CUX2: variants seen among roughly 807,000 people sequenced by gnomAD.
The protein encoded by CUX2 is homeobox protein cut-like 2.
Under a neutral mutation model 144.8 loss-of-function variants are expected in CUX2, and 40 were observed. That is an observed-to-expected ratio of 0.28 (90% CI 0.21 to 0.36). The LOEUF is 0.36. Among genes scored for constraint, CUX2 ranks in the 10% least tolerant of loss-of-function variants. The probability of loss-of-function intolerance (pLI) is 1.00; values close to 1 mark genes in which losing one functional copy is unlikely to be tolerated. For synonymous variants in CUX2, 827 were observed against 875.6 expected, an observed-to-expected ratio of 0.94 and a Z score of 0.98; for missense variants, 1,615 against 1,994.0, an observed-to-expected ratio of 0.81 and a Z score of 3.62.
chr12:111,125,207 T>C (rs1004047739), intron 1 of CUX2, among the ~76,000 whole-genome samples: 1 of 149,642 alleles, frequency 6.7e-6, no homozygotes, highest in Non-Finnish European at 1.5e-5. Context: ...TGAGACAGAG[T>C]GTCCCTCTGT....
chr12:111,347,467 G>T, intron 21 of CUX2, 57 bp from the exon 22 acceptor site: 1 of 1,496,908 alleles, frequency 6.7e-7, no homozygotes, highest in Non-Finnish European at 8.9e-7. Flanking sequence ...TGCAGATGGA[G>T]TCCAGGGTTT....
intron 1 of CUX2, among the ~76,000 whole-genome samples, chr12:111,153,999 G>T (rs1877223995): frequency 1.3e-5 from 2 of 152,076 alleles, no homozygotes; most frequent in African/African-American, 4.8e-5. Flanking sequence ...TTTTTACAAA[G>T]ACACCAACGA....
At chr12:111,041,849 G>A (rs577414285) in intron 1 of CUX2, among the ~76,000 whole-genome samples, 74 of 152,314 alleles carry the variant, frequency 4.9e-4, no homozygotes, top group African/African-American at 1.6e-3. Context: ...TCCAGAAGAG[G>A]CTGCATTTCC....
intron 1 of CUX2, among the ~76,000 whole-genome samples, chr12:111,104,278 A>G (rs1037101739): frequency 6.6e-6 from 1 of 152,110 alleles, no homozygotes; most frequent in Non-Finnish European, 1.5e-5. Context: ...CCCCTCACAT[A>G]GTATAAAAAA....
chr12:111,284,808 C>T (rs117309150), intron 4 of CUX2, among the ~76,000 whole-genome samples: 2,355 of 152,312 alleles, frequency 0.015, 25 homozygotes, highest in Non-Finnish European at 0.025. Context: ...GGCCTCTGGT[C>T]TCTTCGCCAA....
At chr12:111,158,967 G>A (rs1463468870) in intron 1 of CUX2, among the ~76,000 whole-genome samples, 3 of 152,128 alleles carry the variant, frequency 2.0e-5, no homozygotes, top group East Asian at 1.9e-4. Context: ...CAGGCTGGTC[G>A]TGAACACAGA....
At chr12:111,150,510 G>GT (rs1322084739) in intron 1 of CUX2, among the ~76,000 whole-genome samples, 1 of 152,160 alleles carries the variant, frequency 6.6e-6, no homozygotes, top group African/African-American at 2.4e-5. Context: ...TCTCACTTTG[G>GT]TTTTTCCCCC....
chr12:111,049,952 C>T (rs944980363), intron 1 of CUX2, among the ~76,000 whole-genome samples: 1 of 152,174 alleles, frequency 6.6e-6, no homozygotes, highest in Non-Finnish European at 1.5e-5. Flanking sequence ...GTGCTTGGAG[C>T]CTGTCAGAAA....
Position 111,320,336 on chromosome 12 carries a change from A to G in CUX2, c.2327A>G (p.Lys776Arg). Reference protein sequence around the residue: ...AFVQSIIRKVKSEIGDAGYFD... With the variant: ...AFVQSIIRKVRSEIGDAGYFD... ...GTGCAGAGCATCATCCGCAAGGTCA[A>G]GTCCGAGATCGGCGACGCCGGCTAC... The change falls in exon 17 of 22, where the codon AAG becomes AGG. Residue 776 changes from lysine to arginine, a missense_variant. By Grantham distance (26) the Lys-to-Arg change is conservative (BLOSUM62 2). Transcript: ENST00000261726. The surrounding 1 kb of genome is among the most constrained non-coding windows in gnomAD (Gnocchi z 8.1). 6.3e-7 allele frequency: 1 copy of G among 1,598,138 alleles called. No individual in the cohort carries two copies. The highest frequency in any genetic ancestry group is 8.5e-7 in the Non-Finnish European group (1 of 1,179,150).
At chr12:111,163,958 G>A (rs1350220024) in intron 1 of CUX2, among the ~76,000 whole-genome samples, 1 of 152,122 alleles carries the variant, frequency 6.6e-6, no homozygotes, top group African/African-American at 2.4e-5. Context: ...ACCTTGAGCA[G>A]GTGACTTTGT....
chr12:111,333,513 C>G (rs1243125679), intron 18 of CUX2, among the ~76,000 whole-genome samples: 1 of 152,132 alleles, frequency 6.6e-6, no homozygotes, highest in Non-Finnish European at 1.5e-5. Flanking sequence ...CAGTGTTGCC[C>G]TTTCTGAAGA....
intron 4 of CUX2, among the ~76,000 whole-genome samples, 169 bp downstream of exon 4, chr12:111,264,008 TC>T (rs1159671470): frequency 6.6e-6 from 1 of 151,854 alleles, no homozygotes; most frequent in Non-Finnish European, 1.5e-5. Flanking sequence ...GTGTGACATG[TC>T]CCCCCAGGGC....
intron 1 of CUX2, among the ~76,000 whole-genome samples, chr12:111,088,253 A>C (rs1474028715): frequency 6.6e-6 from 1 of 151,994 alleles, no homozygotes; most frequent in African/African-American, 2.4e-5. Flanking sequence ...GTGTTGTAAA[A>C]TGTGACCCTT....
intron 1 of CUX2, among the ~76,000 whole-genome samples, chr12:111,063,373 G>A (rs1870873042): frequency 6.6e-6 from 1 of 151,780 alleles, no homozygotes; most frequent in Non-Finnish European, 1.5e-5. Flanking sequence ...CATTGCTCCA[G>A]GCGTGCAGCC....
intron 1 of CUX2, among the ~76,000 whole-genome samples, chr12:111,069,047 AGT>A (rs773276911): frequency 3.3e-5 from 5 of 152,062 alleles, no homozygotes; most frequent in Non-Finnish European, 5.9e-5. Context: ...GTAAGGTTGC[AGT>A]GTCCGTAGAT....
intron 1 of CUX2, among the ~76,000 whole-genome samples, chr12:111,130,185 G>A (rs1252660890): frequency 2.0e-5 from 3 of 152,160 alleles, no homozygotes; most frequent in African/African-American, 4.8e-5. Flanking sequence ...AAGGGGACCC[G>A]GCCTCCCCTT....
chr12:111,320,113 C>G lies in CUX2; in HGVS notation c.2104C>G (p.Arg702Gly), dbSNP rs868849076. 5.0e-5 allele frequency: 78 copies of G among 1,557,834 alleles called. No homozygotes were observed. The highest frequency in any genetic ancestry group is 6.6e-5 in the Non-Finnish European group (76 of 1,155,176). Residue 702 changes from arginine to glycine, a missense_variant, in exon 17 of 22, where the codon CGT becomes GGT. Around this residue, in one of 12 missense-constraint regions of CUX2, gnomAD observed 390 missense variants for 387.1 expected, o/e 1.01. Coordinates refer to ENST00000261726, the MANE Select transcript of CUX2 (RefSeq NM_015267.4). The surrounding 1 kb of genome is among the most constrained non-coding windows in gnomAD (Gnocchi z 8.1). ...CAAGAGCATCCTGGAGCAGGCACGC[C>G]GTGAGATGCAGGCGCAACAGCAGGC... The part of the protein sequence containing the change: ...AIKSILEQAR[R>G]EMQAQQQALL...
intron 1 of CUX2, among the ~76,000 whole-genome samples, chr12:111,199,022 C>T (rs1051773625): frequency 2.6e-5 from 4 of 152,180 alleles, no homozygotes; most frequent in African/African-American, 7.2e-5. Context: ...GAGCGACTCA[C>T]TCCATCCACC....
intron 1 of CUX2, among the ~76,000 whole-genome samples, chr12:111,095,756 G>A (rs142005343): frequency 4.6e-5 from 7 of 152,286 alleles, no homozygotes; most frequent in African/African-American, 1.2e-4. Context: ...CAATATTACC[G>A]TTACTACCAT....
Sources: allele counts gnomAD v4.1 joint callset (sites outside exome capture counted in the v4.1 genomes callset), GRCh38; gene constraint gnomAD v4.1.1; regional missense constraint gnomAD v4.1.1; non-coding constraint Gnocchi (gnomAD v3.1); transcripts MANE v1.5; gene names NCBI Gene and HGNC (gene_info 2026-07-23, HGNC 2026-07-21).